The following LIPA variants were observed in gnomAD, a reference collection of about 807,000 sequenced individuals.
LIPA encodes the protein lipase A, lysosomal acid type.
In LIPA, 26 loss-of-function variants were observed where a neutral mutation model predicts 40.6. The ratio of observed to expected loss-of-function variants is 0.64; its 90% CI spans 0.47 to 0.89. The LOEUF (loss-of-function observed/expected upper bound fraction) is 0.89, where lower values mean the gene tolerates loss of function less well. Among genes scored for constraint, LIPA ranks in the 40% least tolerant of loss-of-function variants. The pLI is 0.00. For missense variants in LIPA, 455 were observed against 479.6 expected (o/e 0.95, Z 0.48); for synonymous variants, 188 against 168.4 (o/e 1.12, Z -0.90).
chr10:89,399,256 T>C (rs536682274), intron 2 of LIPA, among the ~76,000 whole-genome samples: 5 of 152,328 alleles, frequency 3.3e-5, no homozygotes, highest in African/African-American at 1.2e-4. Flanking sequence ...AGGTTCTTTA[T>C]CTATTCTGTA....
At chr10:89,401,492 G>A (rs1178208308) in intron 2 of LIPA, among the ~76,000 whole-genome samples, 2 of 152,124 alleles carry the variant, frequency 1.3e-5, no homozygotes, top group Non-Finnish European at 2.9e-5. Context: ...GGTTAGGGGA[G>A]TACAGGTGAG....
At chr10:89,224,298 T>A (rs561986691) in intron 6 of LIPA, among the ~76,000 whole-genome samples, 14 of 152,328 alleles carry the variant, frequency 9.2e-5, no homozygotes, top group South Asian at 6.2e-4. Flanking sequence ...TTTTGTTTTT[T>A]AAAATTTTTT....
At chr10:89,411,226 C>A (rs1167574294) in intron 2 of LIPA, among the ~76,000 whole-genome samples, 1 of 152,042 alleles carries the variant, frequency 6.6e-6, no homozygotes, top group African/African-American at 2.4e-5. Context: ...AAAGGTCTGA[C>A]CAGATCTAGG....
At chr10:89,383,341 A>T in intron 2 of LIPA, 1 of 1,613,486 alleles carries the variant, frequency 6.2e-7, no homozygotes, top group African/African-American at 1.3e-5. Context: ...TGGAAAGCTT[A>T]TTGAAGACAG....
intron 1 of LIPA, among the ~76,000 whole-genome samples, chr10:89,300,321 T>TA (rs557505446): frequency 6.6e-5 from 10 of 151,860 alleles, no homozygotes; most frequent in African/African-American, 1.7e-4. Context: ...TGCCGTTAAA[T>TA]AAAAAAAATA....
intron 1 of LIPA, among the ~76,000 whole-genome samples, chr10:89,341,288 C>A (rs887297571): frequency 6.6e-6 from 1 of 152,176 alleles, no homozygotes; most frequent in South Asian, 2.1e-4. Context: ...TGAGGGACAT[C>A]AGTGTGAGGC....
At chr10:89,321,880 T>G (rs1346832574) in intron 1 of LIPA, among the ~76,000 whole-genome samples, 1 of 151,900 alleles carries the variant, frequency 6.6e-6, no homozygotes, top group African/African-American at 2.4e-5. Flanking sequence ...CATGGAATAC[T>G]ATGCAGCCAT....
chr10:89,307,584 T>C, intron 1 of LIPA: 1 of 489,488 alleles, frequency 2.0e-6, no homozygotes. Flanking sequence ...GATTGGGGGG[T>C]AGGTCCACGG....
intron 2 of LIPA, among the ~76,000 whole-genome samples, chr10:89,364,191 G>A (rs1391343030): frequency 1.3e-5 from 2 of 152,136 alleles, no homozygotes; most frequent in Admixed American, 1.3e-4. Context: ...ACGTGGTTGT[G>A]GCAGCAATAT....
intron 1 of LIPA, among the ~76,000 whole-genome samples, chr10:89,277,752 G>A (rs1385262087): frequency 6.6e-6 from 1 of 152,166 alleles, no homozygotes; most frequent in Non-Finnish European, 1.5e-5. Flanking sequence ...CTGGATTGGA[G>A]GCAGTAAGGT....
chr10:89,334,038 A>T (rs140278609), intron 1 of LIPA, among the ~76,000 whole-genome samples: 1 of 152,194 alleles, frequency 6.6e-6, no homozygotes. Flanking sequence ...AGTCAGTTGG[A>T]GCATAACCAG....
chr10:89,383,426 G>A, intron 2 of LIPA: 1 of 1,614,210 alleles, frequency 6.2e-7, no homozygotes, highest in South Asian at 1.1e-5. Flanking sequence ...TTAGAAAACA[G>A]GATCTGGGAA....
intron 1 of LIPA, among the ~76,000 whole-genome samples, chr10:89,260,595 T>G (rs1045660665): frequency 3.9e-5 from 6 of 152,150 alleles, no homozygotes; most frequent in African/African-American, 1.4e-4. Flanking sequence ...GCCTCCTACT[T>G]GGAGGTGCCG....
At chr10:89,375,012 T>G (rs892850762) in intron 2 of LIPA, among the ~76,000 whole-genome samples, 1 of 152,150 alleles carries the variant, frequency 6.6e-6, no homozygotes, top group African/African-American at 2.4e-5. Context: ...CAGTGCCCAC[T>G]GGGAAAAATT....
intron 2 of LIPA, among the ~76,000 whole-genome samples, chr10:89,347,767 C>G (rs1163378375): frequency 2.0e-5 from 3 of 152,188 alleles, no homozygotes; most frequent in South Asian, 4.1e-4. Flanking sequence ...AAACTTTTAA[C>G]CTGGTGGCAC....
intron 8 of LIPA, among the ~76,000 whole-genome samples, chr10:89,218,863 C>A (rs1842661548): frequency 2.0e-5 from 3 of 152,154 alleles, no homozygotes; most frequent in Non-Finnish European, 1.5e-5. Flanking sequence ...ATTTTGGGGT[C>A]TCTAATACAA....
chr10:89,297,913 T>G (rs931850621), intron 1 of LIPA, among the ~76,000 whole-genome samples: 2 of 152,204 alleles, frequency 1.3e-5, no homozygotes, highest in African/African-American at 4.8e-5. Flanking sequence ...ACGCATGGCC[T>G]CTGTGCCTAG....
chr10:89,266,686 T>A (rs1589583276), intron 1 of LIPA, among the ~76,000 whole-genome samples: 1 of 152,208 alleles, frequency 6.6e-6, no homozygotes, highest in Admixed American at 6.5e-5. Flanking sequence ...TATAAAAAAA[T>A]GTTTTACTCA....
upstream of LIPA, among the ~76,000 whole-genome samples, chr10:89,345,383 G>T (rs1843911306): frequency 6.6e-6 from 1 of 151,936 alleles, no homozygotes; most frequent in African/African-American, 2.4e-5. Flanking sequence ...ACAAAAATTA[G>T]CCAGGTGTGG....
Sources: gnomAD v4.1 joint callset for allele counts (sites outside exome capture counted in the v4.1 genomes callset) on GRCh38, gnomAD v4.1.1 for gene constraint, MANE v1.5 for transcripts, NCBI Gene and HGNC (gene_info 2026-07-23, HGNC 2026-07-21) for gene names.